The following BOP1 variants were observed in gnomAD, a reference collection of about 807,000 sequenced individuals.
The protein encoded by BOP1 is ribosome biogenesis protein BOP1.
A neutral mutation model predicts 82.9 loss-of-function variants in BOP1; 54 were observed. The observed-to-expected ratio is 0.65, with a 90% CI of 0.52 to 0.82. The LOEUF (loss-of-function observed/expected upper bound fraction) is 0.82, where lower values mean the gene tolerates loss of function less well. BOP1 is among the 40% of genes least tolerant of loss of function. BOP1 has a pLI of 0.00. For synonymous variants in BOP1, 566 were observed against 451.1 expected, an observed-to-expected ratio of 1.25 and a Z score of -3.23; for missense variants, 1,170 against 1,072.0, an observed-to-expected ratio of 1.09 and a Z score of -1.28.
At chr8:144,273,952 A>C (rs1434818787) in intron 3 of BOP1, among the ~76,000 whole-genome samples, 1 of 152,300 alleles carries the variant, frequency 6.6e-6, no homozygotes, top group South Asian at 2.1e-4. Flanking sequence ...GGGGCTGCTC[A>C]GGTCTTCAAA....
intron 3 of BOP1, among the ~76,000 whole-genome samples, chr8:144,273,049 A>C (rs1845516283): frequency 6.6e-6 from 1 of 152,126 alleles, no homozygotes; most frequent in South Asian, 2.1e-4. Context: ...GGCGGTCTGC[A>C]GGCCCGGGCG....
chr8:144,268,723 G>GGA lies in BOP1; in HGVS notation c.391-3654_391-3653dup, dbSNP rs1404302982. On this transcript the variant is annotated intron_variant, in intron 3 of 15. Coordinates refer to ENST00000569669, the MANE Select transcript of BOP1 (RefSeq NM_015201.5). ...GGGTGGGGACAAGGGAGCCACGCCG[G>GGA]GAGAGAGGGTGGGGGAGGAGCTGCG... Among the ~76,000 whole-genome samples, 273 of 152,318 alleles carry GGA rather than the reference G, an allele frequency of 1.8e-3. 2 individuals are homozygous for GGA. The highest frequency in any genetic ancestry group is 6.3e-3 in the African/African-American group (263 of 41,554).
At chr8:144,284,058 A>G (rs1334721126) in intron 2 of BOP1, among the ~76,000 whole-genome samples, 1 of 152,162 alleles carries the variant, frequency 6.6e-6, no homozygotes, top group Non-Finnish European at 1.5e-5. Flanking sequence ...TGGAGGTTGC[A>G]GTGAGCCGAG....
At chr8:144,284,392 A>G (rs1814806690) in intron 2 of BOP1, among the ~76,000 whole-genome samples, 1 of 152,210 alleles carries the variant, frequency 6.6e-6, no homozygotes, top group Non-Finnish European at 1.5e-5. Context: ...TGTTACTGTC[A>G]GGTCAACTGT....
At chr8:144,279,894 A>G (rs1329420950) in intron 2 of BOP1, among the ~76,000 whole-genome samples, 19 of 152,270 alleles carry the variant, frequency 1.2e-4, no homozygotes, top group Admixed American at 1.2e-3. Context: ...GTCTGGACAC[A>G]CAAGAGGCCC....
intron 3 of BOP1, among the ~76,000 whole-genome samples, chr8:144,267,741 G>A (rs1845411484): frequency 6.6e-6 from 1 of 152,202 alleles, no homozygotes; most frequent in Non-Finnish European, 1.5e-5. Context: ...TGGGGGCTGG[G>A]GGTGAGGGCC....
chr8:144,266,659 T>C, intron 3 of BOP1: 1 of 1,253,194 alleles, frequency 8.0e-7, no homozygotes. Context: ...CCGCTACCTG[T>C]ACCCCGAGGT....
rs1845374286 is a variant in BOP1, at chr8:144,266,655, C to T, written c.391-1584G>A. On this transcript the variant is annotated intron_variant, in intron 3 of 15. Coordinates refer to ENST00000569669, the MANE Select transcript of BOP1 (RefSeq NM_015201.5). ...TGCGCCCGGCGCCGCCGGGCCGCTA[C>T]CTGTACCCCGAGGTGAGCCCGCTGT... 2.4e-6 allele frequency: 3 copies of T among 1,258,868 alleles called. No homozygotes were observed. In the African/African-American group the frequency reaches 4.9e-5, roughly 20 times the overall value. The allele number at this position is 1,258,868 out of a possible 1,614,324, so 78.0% of individuals were successfully genotyped here.
intron 3 of BOP1, among the ~76,000 whole-genome samples, chr8:144,267,578 G>A (rs1366474070): frequency 2.6e-5 from 4 of 152,392 alleles, no homozygotes; most frequent in East Asian, 1.9e-4. Flanking sequence ...GAAGGACCCC[G>A]GGTTCTTAGC....
intron 2 of BOP1, among the ~76,000 whole-genome samples, 180 bp from the exon 3 acceptor site, chr8:144,276,484 C>T (rs1318988897): frequency 7.9e-5 from 12 of 152,192 alleles, no homozygotes; most frequent in African/African-American, 2.7e-4. Flanking sequence ...GGCTGGCACC[C>T]GGCGCCGCAG....
Position 144,264,975 on chromosome 8 carries a change from G to C in BOP1, c.487C>G (p.Leu163Val), listed in dbSNP as rs1588589235. ...DLDGRRIYKP[L>V]RTRDELDQFL... is the part of the protein sequence containing the mutation. ...TGGTCCAGCTCATCCCGGGTCCGCA[G>C]GGGCTTGTAGATGCGCCTGCCATCC... The change falls in exon 4 of 16, where the codon CTG becomes GTG. Residue 163 changes from leucine to valine, a missense_variant. Leu to Val is a conservative substitution (Grantham distance 32). Coordinates refer to ENST00000569669, the MANE Select transcript of BOP1 (RefSeq NM_015201.5). 3 of 1,612,320 alleles carry C rather than the reference G, an allele frequency of 1.9e-6. No homozygotes were observed. The highest frequency in any genetic ancestry group is 2.5e-6 in the Non-Finnish European group (3 of 1,179,724).
chr8:144,273,218 G>A (rs1446433654), intron 3 of BOP1, among the ~76,000 whole-genome samples: 2 of 152,232 alleles, frequency 1.3e-5, no homozygotes, highest in African/African-American at 2.4e-5. Context: ...GGCAGCTGCC[G>A]GTTCAGTAGC....
intron 2 of BOP1, among the ~76,000 whole-genome samples, chr8:144,279,155 C>A (rs1367365346): frequency 4.6e-5 from 2 of 43,672 alleles, no homozygotes; most frequent in South Asian, 9.2e-4. Flanking sequence ...AAGACCACCA[C>A]AGGCCACGAC....
chr8:144,265,422 G>C (rs1845337276), intron 3 of BOP1: 1 of 418,952 alleles, frequency 2.4e-6, no homozygotes, highest in African/African-American at 2.0e-5. Context: ...CCCCTGGCAG[G>C]GGCCTTAGGC....
At chr8:144,268,700 G>A (rs1588593429) in intron 3 of BOP1, among the ~76,000 whole-genome samples, 1 of 152,174 alleles carries the variant, frequency 6.6e-6, no homozygotes, top group South Asian at 2.1e-4. Flanking sequence ...AAGCTGTGGG[G>A]TGGGGACAAG....
chr8:144,274,959 C>A (rs1018120010), intron 3 of BOP1, among the ~76,000 whole-genome samples: 3 of 152,348 alleles, frequency 2.0e-5, no homozygotes, highest in Admixed American at 6.5e-5. Flanking sequence ...GTGGCCCCCC[C>A]GCTCTGAGTG....
At chr8:144,285,353 T>G (rs1814834302) in intron 2 of BOP1, among the ~76,000 whole-genome samples, 1 of 151,886 alleles carries the variant, frequency 6.6e-6, no homozygotes, top group African/African-American at 2.4e-5. Context: ...GGCTGGGATG[T>G]CCTTCAGATG....
At chr8:144,273,009 G>T (rs1384519181) in intron 3 of BOP1, among the ~76,000 whole-genome samples, 2 of 152,224 alleles carry the variant, frequency 1.3e-5, no homozygotes, top group Non-Finnish European at 2.9e-5. Flanking sequence ...GCAGGCGGCC[G>T]CGGGGGTGGA....
At chr8:144,275,977 C>T (rs1444005856) in intron 3 of BOP1, among the ~76,000 whole-genome samples, 1 of 152,326 alleles carries the variant, frequency 6.6e-6, no homozygotes, top group Non-Finnish European at 1.5e-5. Context: ...CATGGAGCCA[C>T]ACCCAGGTCC....
Sources: allele counts gnomAD v4.1 joint callset (sites outside exome capture counted in the v4.1 genomes callset), GRCh38; gene constraint gnomAD v4.1.1; transcripts MANE v1.5; gene names NCBI Gene and HGNC (gene_info 2026-07-23, HGNC 2026-07-21).